Variants in MLXIPL observed in about 807,000 individuals in gnomAD.
MLXIPL encodes carbohydrate-responsive element-binding protein.
In MLXIPL, 49 loss-of-function variants were observed where a neutral mutation model predicts 81.5. That is an observed-to-expected ratio of 0.60 (90% confidence interval 0.48 to 0.76). The LOEUF (loss-of-function observed/expected upper bound fraction) is 0.76, where lower values mean the gene tolerates loss of function less well. Among genes scored for constraint, MLXIPL ranks in the 30% least tolerant of loss-of-function variants. MLXIPL has a pLI of 0.00. For synonymous variants in MLXIPL, 466 were observed against 485.5 expected (o/e 0.96, Z 0.53); for missense variants, 1,053 against 1,167.0 (o/e 0.90, Z 1.42).
At chr7:73,594,199 A>C (rs782016346) in intron 16 of MLXIPL, 75 bp downstream of exon 16, 33 of 1,598,114 alleles carry the variant, frequency 2.1e-5, no homozygotes, top group Non-Finnish European at 2.8e-5. Flanking sequence ...TGGATGTGGG[A>C]TCTAAGCAGG....
Position 73,606,011 on chromosome 7 carries a change from C to T in MLXIPL, c.719G>A (p.Arg240Gln), listed in dbSNP as rs369653224. The T allele has an allele frequency of 2.1e-5, 34 of 1,586,142 alleles. No homozygotes were observed. Among genetic ancestry groups the T allele is most frequent in the East Asian group, 4.6e-5 (2 of 43,812 alleles). Residue 240 changes from arginine (R) to glutamine (Q), a missense_variant, in exon 6 of 17, where the codon CGG becomes CAG. Physicochemically the swap from Arg to Gln is conservative, Grantham distance 43 (BLOSUM62 1). Transcript: ENST00000313375. Reference sequence around the variant, plus strand: ...AAAGCAATTGAGGTCCAGGAGCTGCCGCCCACCCGGCTCCTCCTCTGGGTC... The same window carrying T: ...AAAGCAATTGAGGTCCAGGAGCTGCTGCCCACCCGGCTCCTCCTCTGGGTC... ...LGDPEEEPGG[R>Q]QLLDLNCFLS... is the part of the protein sequence containing the mutation.
upstream of MLXIPL, among the ~76,000 whole-genome samples, chr7:73,629,424 A>T (rs1796800933): frequency 6.6e-6 from 1 of 152,042 alleles, no homozygotes; most frequent in South Asian, 2.1e-4. Context: ...TCCCCACTAG[A>T]TGGCAAATTC....
chr7:73,605,936 G>A lies in MLXIPL; in HGVS notation c.794C>T (p.Ser265Leu), dbSNP rs1795241004. 4.4e-6 allele frequency: 7 copies of A among 1,594,124 alleles called. No individual in the cohort carries two copies. Among genetic ancestry groups the A allele is most frequent in the Non-Finnish European group, 6.0e-6 (7 of 1,170,078 alleles). ...TLFTMTQSGP[S>L]PLQLPPEDAY... ...ATCCTCAGGCGGCAGCTGCAGGGGC[G>A]AAGGGCCGGACTGAGTCATGGTGAA... Residue 265 changes from serine (S) to leucine (L), a missense_variant, in exon 6 of 17, where the codon TCG becomes TTG. Coordinates refer to ENST00000313375, the MANE Select transcript of MLXIPL (RefSeq NM_032951.3).
the MLXIPL span, among the ~76,000 whole-genome samples, chr7:73,647,451 A>C: frequency 6.6e-6 from 1 of 152,042 alleles, no homozygotes; most frequent in Non-Finnish European, 1.5e-5. Context: ...AACCTCCCAG[A>C]CCAGGATGGA....
rs895860897 is a variant in MLXIPL at position 73,623,306 on chromosome 7, C to T, written c.293+894G>A. 1.3e-5 allele frequency among the ~76,000 whole-genome samples: 2 copies of T among 152,232 alleles called. No individual in the cohort carries two copies. Among genetic ancestry groups the T allele is most frequent in the African/African-American group, 4.8e-5 (2 of 41,462 alleles). On this transcript the variant is annotated intron_variant, in intron 1 of 16. Coordinates refer to ENST00000313375, the MANE Select transcript of MLXIPL (RefSeq NM_032951.3). The surrounding 1 kb of genome is among the most constrained non-coding windows in gnomAD (Gnocchi z 5.7). Reference sequence around the variant, plus strand: ...GAGAAAAGATCAAGGCCGGCCGATCCCCCTTTCTCCCCTACGGGTTTTCGG... The same window carrying T: ...GAGAAAAGATCAAGGCCGGCCGATCTCCCTTTCTCCCCTACGGGTTTTCGG...
chr7:73,599,774 T>A, intron 7 of MLXIPL, 79 bp from the exon 8 acceptor site: 1 of 1,424,102 alleles, frequency 7.0e-7, no homozygotes, highest in Non-Finnish European at 9.6e-7. Context: ...GAGTGGCCTG[T>A]CCCCAGCCTT....
intron 2 of MLXIPL, among the ~76,000 whole-genome samples, chr7:73,614,400 G>T (rs1257563492): frequency 6.6e-6 from 1 of 152,130 alleles, no homozygotes; most frequent in African/African-American, 2.4e-5. Context: ...ATCTCCCAGG[G>T]TTGCTAGGAA....
At chr7:73,624,638 T>C (rs1192912881), upstream of MLXIPL, 21 of 1,359,078 alleles carry the variant, frequency 1.5e-5, no homozygotes, top group Non-Finnish European at 2.0e-5. Context: ...GGGCTTGTAT[T>C]AGCATAATCC....
chr7:73,646,785 G>A, the MLXIPL span, among the ~76,000 whole-genome samples: 104 of 152,250 alleles, frequency 6.8e-4, no homozygotes, highest in African/African-American at 2.4e-3. Flanking sequence ...GAGGGCCTGG[G>A]CAGGACATGG....
At chr7:73,639,066 A>G in the MLXIPL span, among the ~76,000 whole-genome samples, 1 of 152,084 alleles carries the variant, frequency 6.6e-6, no homozygotes, top group Non-Finnish European at 1.5e-5. Flanking sequence ...GCCTGTGGTG[A>G]GGCTGAGGAT....
chr7:73,602,219 T>C (rs62466298), intron 7 of MLXIPL, among the ~76,000 whole-genome samples: 1 of 147,664 alleles, frequency 6.8e-6, no homozygotes, highest in African/African-American at 2.5e-5. Flanking sequence ...CTCTCTTTCT[T>C]TCTTTTTTTT....
the MLXIPL span, among the ~76,000 whole-genome samples, chr7:73,645,740 A>T: frequency 2.0e-5 from 3 of 152,176 alleles, no homozygotes; most frequent in Non-Finnish European, 4.4e-5. Context: ...AGGGCTTGCC[A>T]AGGTCACTGA....
chr7:73,627,170 G>T (rs1273779657), upstream of MLXIPL, among the ~76,000 whole-genome samples: 1 of 152,052 alleles, frequency 6.6e-6, no homozygotes, highest in Non-Finnish European at 1.5e-5. Flanking sequence ...GGTTAGGAAA[G>T]GGGGTTCTGA....
intron 16 of MLXIPL, 127 bp downstream of exon 16, chr7:73,594,147 G>T: frequency 6.7e-7 from 1 of 1,488,670 alleles, no homozygotes; most frequent in Non-Finnish European, 9.3e-7. Context: ...CCATCTGGGG[G>T]ATGCGGGGTG....
chr7:73,611,571 T>C (rs1554599735), intron 2 of MLXIPL: 1 of 152,210 alleles, frequency 6.6e-6, no homozygotes, highest in African/African-American at 2.4e-5. Flanking sequence ...ATCTCAGCAC[T>C]TTGGGAGGCT....
At chr7:73,621,694 TCCA>T (rs1796365138) in intron 1 of MLXIPL, among the ~76,000 whole-genome samples, 2 of 120,298 alleles carry the variant, frequency 1.7e-5, no homozygotes, top group South Asian at 3.2e-4. Context: ...CCTCCCTCCC[TCCA>T]TCTCCCTCCC....
At chr7:73,602,920 C>T (rs1390027670) in intron 7 of MLXIPL, among the ~76,000 whole-genome samples, 4 of 152,210 alleles carry the variant, frequency 2.6e-5, no homozygotes, top group African/African-American at 9.6e-5. Context: ...AGTCACCAGC[C>T]ACCCGCTTAC....
upstream of MLXIPL, among the ~76,000 whole-genome samples, chr7:73,629,379 C>T (rs1796800585): frequency 6.6e-6 from 1 of 152,128 alleles, no homozygotes; most frequent in East Asian, 1.9e-4. Flanking sequence ...TTTCATTCAG[C>T]TTTGCATTCA....
the MLXIPL span, among the ~76,000 whole-genome samples, chr7:73,647,429 A>C: frequency 6.6e-6 from 1 of 151,992 alleles, no homozygotes; most frequent in Non-Finnish European, 1.5e-5. Flanking sequence ...GCCCCCTCTC[A>C]GCTCCTGGGA....
Sources: allele counts gnomAD v4.1 joint callset (sites outside exome capture counted in the v4.1 genomes callset), GRCh38; gene constraint gnomAD v4.1.1; non-coding constraint Gnocchi (gnomAD v3.1); transcripts MANE v1.5; gene names NCBI Gene and HGNC (gene_info 2026-07-23, HGNC 2026-07-21).